FNBP1L: variants seen among roughly 807,000 people sequenced by gnomAD.
FNBP1L encodes the protein formin binding protein 1 like, also known as formin-binding protein 1-like.
In FNBP1L, 36 loss-of-function variants were observed where a neutral mutation model predicts 91.2. The observed-to-expected ratio is 0.39, with a 90% CI of 0.30 to 0.52. FNBP1L has a LOEUF of 0.52. Ranked by LOEUF, FNBP1L falls within the 20% of genes least tolerant of loss-of-function variation. FNBP1L has a pLI of 0.66. For synonymous variants in FNBP1L, 242 were observed against 237.0 expected, an observed-to-expected ratio of 1.02 and a Z score of -0.19; for missense variants, 571 against 732.1, an observed-to-expected ratio of 0.78 and a Z score of 2.54.
chr1:93,546,590 T>C (rs1331124561), intron 12 of FNBP1L, among the ~76,000 whole-genome samples: 1 of 152,134 alleles, frequency 6.6e-6, no homozygotes, highest in Non-Finnish European at 1.5e-5. Context: ...TAAAATTCCT[T>C]GTTTAGAAAG....
chr1:93,477,501 A>G (rs1335367923), intron 1 of FNBP1L, among the ~76,000 whole-genome samples: 1 of 152,208 alleles, frequency 6.6e-6, no homozygotes, highest in African/African-American at 2.4e-5. Flanking sequence ...AGTAGCTTGT[A>G]TATGTTCATT....
In FNBP1L at chr1:93,521,130, C is replaced by G. The variant is rs146121258; in HGVS notation, c.141-952C>G. Among the ~76,000 whole-genome samples the G allele has an allele frequency of 3.5e-4, 54 of 152,198 alleles. No homozygotes were observed. In the East Asian group the frequency reaches 9.6e-3, roughly 27 times the overall value. On this transcript the variant is annotated intron_variant, in intron 2 of 16. Transcript: ENST00000271234. ...AAACAAAGGTAGTCCATTCTGGCTC[C>G]AAAGTCCATATGCTAGTCTCTTTCT...
At chr1:93,460,563 G>A (rs986309012) in intron 1 of FNBP1L, among the ~76,000 whole-genome samples, 14 of 152,318 alleles carry the variant, frequency 9.2e-5, no homozygotes, top group African/African-American at 2.2e-4. Context: ...GAAATCCCAG[G>A]CACATGTTTT....
chr1:93,475,494 G>A (rs1243492992), intron 1 of FNBP1L, among the ~76,000 whole-genome samples: 2 of 152,058 alleles, frequency 1.3e-5, no homozygotes, highest in Admixed American at 6.5e-5. Flanking sequence ...AGCTGTGGTT[G>A]TGCCACTGCA....
At chr1:93,551,946 A>G (rs1479513694) in intron 16 of FNBP1L, 17 of 986,748 alleles carry the variant, frequency 1.7e-5, no homozygotes, top group Non-Finnish European at 2.0e-5. Flanking sequence ...ACACAGTTAC[A>G]TAGAAAAATA....
At chr1:93,495,757 C>T (rs532030693) in intron 1 of FNBP1L, among the ~76,000 whole-genome samples, 1 of 152,138 alleles carries the variant, frequency 6.6e-6, no homozygotes, top group African/African-American at 2.4e-5. Context: ...TGAATATCTG[C>T]TTTTCCAAAG....
At chr1:93,449,130 C>G (rs1042313891) in intron 1 of FNBP1L, among the ~76,000 whole-genome samples, 1 of 152,250 alleles carries the variant, frequency 6.6e-6, no homozygotes, top group African/African-American at 2.4e-5. Context: ...TCTCTCCTTT[C>G]CTTTCCTCCT....
chr1:93,504,097 A>G (rs1262083761), intron 2 of FNBP1L, among the ~76,000 whole-genome samples: 2 of 152,202 alleles, frequency 1.3e-5, no homozygotes. Context: ...TCTCTACCCC[A>G]TACCAAGCCT....
intron 1 of FNBP1L, among the ~76,000 whole-genome samples, chr1:93,477,081 C>CA (rs2101703804): frequency 6.6e-6 from 1 of 152,250 alleles, no homozygotes; most frequent in African/African-American, 2.4e-5. Context: ...TATTGCCTGA[C>CA]ATGCTCACTT....
intron 2 of FNBP1L, among the ~76,000 whole-genome samples, chr1:93,500,152 TGAAGTCTGAAGACTA>T (rs1415034078): frequency 1.3e-5 from 2 of 152,310 alleles, no homozygotes; most frequent in African/African-American, 4.8e-5. Context: ...AAATGGTGCT[TGAAGTCTGAAGACTA>T]GACACCAGTA....
intron 2 of FNBP1L, among the ~76,000 whole-genome samples, chr1:93,518,677 A>G (rs1194560118): frequency 1.3e-5 from 2 of 152,182 alleles, no homozygotes; most frequent in Admixed American, 1.3e-4. Flanking sequence ...TGCCTATGCA[A>G]CTGCCACTCC....
intron 2 of FNBP1L, among the ~76,000 whole-genome samples, chr1:93,504,692 T>C (rs192559213): frequency 6.6e-5 from 10 of 152,348 alleles, no homozygotes; most frequent in Non-Finnish European, 1.0e-4. Context: ...TGAGTTGTTA[T>C]CTCCCTGTGG....
intron 1 of FNBP1L, among the ~76,000 whole-genome samples, chr1:93,484,611 G>T (rs1669832071): frequency 6.6e-6 from 1 of 152,236 alleles, no homozygotes; most frequent in Admixed American, 6.5e-5. Flanking sequence ...TAATTGGTGT[G>T]AGGGTAGAGG....
chr1:93,544,841 C>T (rs988293536), intron 12 of FNBP1L, among the ~76,000 whole-genome samples: 24 of 152,096 alleles, frequency 1.6e-4, no homozygotes, highest in Admixed American at 1.3e-3. Flanking sequence ...TGTGATGTGG[C>T]GCTTAATCAT....
chr1:93,470,809 C>T (rs927744522), intron 1 of FNBP1L, among the ~76,000 whole-genome samples: 1 of 148,652 alleles, frequency 6.7e-6, no homozygotes, highest in African/African-American at 2.5e-5. Context: ...GGAGGCAGAG[C>T]TTGCAGTGAG....
chr1:93,542,443 G>GAAA (rs61650755), intron 11 of FNBP1L, among the ~76,000 whole-genome samples: 2,525 of 82,410 alleles, frequency 0.031, 224 homozygotes, highest in African/African-American at 0.11. Context: ...ATTGGTAAAT[G>GAAA]AAAAAAAAAA....
In FNBP1L at chr1:93,474,129, A is replaced by G. The variant is rs368440490; in HGVS notation, c.25-25339A>G. The stretch of plus-strand genomic sequence containing the variant: ...TGTGGTGGTGCATGCCTGTAATTCT[A>G]GCTACTCAGGAGGTGGAGACAGGAG... On this transcript the variant is annotated intron_variant, in intron 1 of 16. Coordinates refer to ENST00000271234, the MANE Select transcript of FNBP1L (RefSeq NM_001164473.3). 3.9e-4 allele frequency among the ~76,000 whole-genome samples: 59 copies of G among 152,278 alleles called. 1 individual carries two copies. Among genetic ancestry groups the G allele is most frequent in the African/African-American group, 1.3e-3 (56 of 41,572 alleles).
chr1:93,473,199 T>C (rs1369869257), intron 1 of FNBP1L, among the ~76,000 whole-genome samples: 1 of 152,166 alleles, frequency 6.6e-6, no homozygotes, highest in Non-Finnish European at 1.5e-5. Context: ...AAGTGTAAAG[T>C]AATTAACAAG....
Position 93,552,583 on chromosome 1 carries a change from T to G in FNBP1L, c.*167T>G. On this transcript the variant is annotated 3_prime_UTR_variant, in exon 17 of 17. Transcript: ENST00000271234. ...CTAACTTCATTAGCATTTCCATACA[T>G]TGTTTTTAAAAATCATAATACCAAC... The G allele has an allele frequency of 1.7e-6, 1 of 591,184 alleles. No homozygotes were observed. Among genetic ancestry groups the G allele is most frequent in the Non-Finnish European group, 2.8e-6 (1 of 357,306 alleles). 36.6% of individuals were successfully genotyped at this position (591,184 alleles called of 1,614,324 possible). A position where few individuals can be genotyped will look rare whatever the true frequency, so the allele number is the denominator to read the frequency against.
Sources: gnomAD v4.1 joint callset for allele counts (sites outside exome capture counted in the v4.1 genomes callset) on GRCh38, gnomAD v4.1.1 for gene constraint, MANE v1.5 for transcripts, NCBI Gene and HGNC (gene_info 2026-07-23, HGNC 2026-07-21) for gene names.